The following ZDHHC11 variants were observed in gnomAD, a reference collection of about 807,000 sequenced individuals.
The protein encoded by ZDHHC11 is zDHHC palmitoyltransferase 11.
A neutral mutation model predicts 51.3 loss-of-function variants in ZDHHC11; 44 were observed. The observed-to-expected ratio is 0.86, with a 90% CI of 0.67 to 1.10. The LOEUF (loss-of-function observed/expected upper bound fraction) is 1.10. Among genes scored for constraint, ZDHHC11 ranks in the 50% least tolerant of loss-of-function variants. ZDHHC11 has a pLI of 0.00. For synonymous variants in ZDHHC11, 163 were observed against 222.0 expected (o/e 0.73, Z 2.36); for missense variants, 400 against 537.7 (o/e 0.74, Z 2.53).
chr5:840,720 G>A (rs1197124983), intron 4 of ZDHHC11, 70 bp from the exon 5 acceptor site: 1 of 1,602,884 alleles, frequency 6.2e-7, no homozygotes, highest in Non-Finnish European at 8.5e-7. Flanking sequence ...GGACGTCACA[G>A]ACCAGAGCGT....
intron 11 of ZDHHC11, among the ~76,000 whole-genome samples, chr5:806,759 G>A (rs1219388949): frequency 2.7e-5 from 4 of 150,626 alleles, no homozygotes; most frequent in African/African-American, 4.9e-5. Context: ...AACTCGTATG[G>A]CTCACATGTG....
intron 3 of ZDHHC11, among the ~76,000 whole-genome samples, chr5:844,532 C>T (rs112995638): frequency 2.0e-5 from 3 of 149,810 alleles, no homozygotes; most frequent in Admixed American, 6.6e-5. Flanking sequence ...CACGCGGGCT[C>T]GGTCCACTCG....
At chr5:803,297 C>T (rs1738754025) in intron 11 of ZDHHC11, among the ~76,000 whole-genome samples, 3 of 151,430 alleles carry the variant, frequency 2.0e-5, no homozygotes, top group Admixed American at 2.0e-4. Flanking sequence ...CCTCCAGCAG[C>T]ATCCCTTGGA....
upstream of ZDHHC11, among the ~76,000 whole-genome samples, chr5:855,155 GA>G (rs1747992974): frequency 6.7e-6 from 1 of 148,786 alleles, no homozygotes; most frequent in African/African-American, 2.5e-5. Flanking sequence ...CGAGCCGGGG[GA>G]CACAGACCCT....
intron 7 of ZDHHC11, among the ~76,000 whole-genome samples, chr5:831,314 T>C (rs776146575): frequency 8.0e-5 from 12 of 149,306 alleles, no homozygotes; most frequent in Non-Finnish European, 1.6e-4. Flanking sequence ...TTGGGTGTGG[T>C]GGCTCATGTC....
chr5:827,885 G>A (rs144238048), intron 7 of ZDHHC11, among the ~76,000 whole-genome samples: 1,590 of 151,006 alleles, frequency 0.011, 36 homozygotes, highest in Non-Finnish European at 0.015. Flanking sequence ...AGGACCCAGC[G>A]GCCTTCCCCA....
chr5:798,269 A>T (rs1737877412), intron 12 of ZDHHC11, among the ~76,000 whole-genome samples: 1 of 151,268 alleles, frequency 6.6e-6, no homozygotes, highest in African/African-American at 2.4e-5. Context: ...CTCAGGGCAA[A>T]GGCCAGCTGC....
At chr5:852,719 G>C (rs1195532883), upstream of ZDHHC11, among the ~76,000 whole-genome samples, 1 of 146,500 alleles carries the variant, frequency 6.8e-6, no homozygotes, top group African/African-American at 2.5e-5. Flanking sequence ...AGCGGGGACA[G>C]ACCCCACAGA....
intron 7 of ZDHHC11, 30 bp from the exon 8 acceptor site, chr5:825,281 C>T: frequency 3.1e-6 from 5 of 1,605,526 alleles, no homozygotes; most frequent in East Asian, 2.2e-5. Flanking sequence ...GAGAGAAACT[C>T]ATCTCAGCTT....
upstream of ZDHHC11, among the ~76,000 whole-genome samples, chr5:852,843 A>G (rs1243950818): frequency 1.4e-5 from 2 of 144,474 alleles, no homozygotes; most frequent in African/African-American, 5.2e-5. Flanking sequence ...AGCCGGGGGT[A>G]CAGACCACAC....
intron 12 of ZDHHC11, among the ~76,000 whole-genome samples, chr5:800,286 C>A (rs1299908804): frequency 3.3e-4 from 50 of 150,656 alleles, no homozygotes; most frequent in African/African-American, 1.0e-3. Flanking sequence ...ATGCCCTATA[C>A]CCTTTTCCTG....
chr5:825,259 G>C lies in ZDHHC11; in HGVS notation c.936-8C>G. On this transcript the variant is annotated splice_region_variant and splice_polypyrimidine_tract_variant and intron_variant, in intron 7 of 12. Transcript: ENST00000283441. ...GAGCTCTTGGCTTTGACTCTGGTGG[G>C]ACAGAAAGGAGGAGAGAAACTCATC... 1.2e-6 allele frequency: 2 copies of C among 1,611,656 alleles called. No homozygotes were observed. The highest frequency in any genetic ancestry group is 1.7e-6 in the Non-Finnish European group (2 of 1,178,206).
chr5:838,600 C>T (rs10076550), intron 5 of ZDHHC11, among the ~76,000 whole-genome samples: 2,834 of 151,990 alleles, frequency 0.019, 72 homozygotes, highest in African/African-American at 0.065. Flanking sequence ...GGCTCTGGGT[C>T]ACGGGGGTGG....
intron 12 of ZDHHC11, among the ~76,000 whole-genome samples, chr5:798,213 T>C (rs372154480): frequency 2.7e-5 from 4 of 150,902 alleles, no homozygotes; most frequent in African/African-American, 7.3e-5. Context: ...TCCATTTGTA[T>C]CTCTTGAAAA....
chr5:832,748 CAG>C (rs1434840839), intron 7 of ZDHHC11, among the ~76,000 whole-genome samples: 1 of 126,192 alleles, frequency 7.9e-6, no homozygotes, highest in Non-Finnish European at 1.7e-5. Context: ...GCCTGGGTGA[CAG>C]AGTGAAATTC....
chr5:855,391 C>G (rs141538737), upstream of ZDHHC11, among the ~76,000 whole-genome samples: 1,963 of 149,632 alleles, frequency 0.013, 40 homozygotes, highest in African/African-American at 0.046. Flanking sequence ...GAGACAGACC[C>G]CACAGAGGAC....
rs536083998 is a variant in ZDHHC11, at chr5:815,750, A to G, written c.1147-955T>C. ...TGGATGAGACTTCCAATTCTCCCAC[A>G]TATTCACCAACACTTGGTATTGTTC... On this transcript the variant is annotated intron_variant, in intron 10 of 12. Coordinates refer to ENST00000283441, the MANE Select transcript of ZDHHC11 (RefSeq NM_024786.3). Among the ~76,000 whole-genome samples the G allele has an allele frequency of 9.3e-4, 141 of 151,552 alleles. 8 individuals carry two copies. The highest frequency in any genetic ancestry group is 1.2e-3 in the Admixed American group (19 of 15,242).
Position 850,516 on chromosome 5 carries a change from G to C in ZDHHC11, c.87C>G (p.Ser29=). 6.2e-7 allele frequency: 1 copy of C among 1,613,786 alleles called. No individual in the cohort carries two copies. Among genetic ancestry groups the C allele is most frequent in the Non-Finnish European group, 8.5e-7 (1 of 1,180,032 alleles). Residue 29 remains serine (S), a synonymous_variant, in exon 1 of 13, where the codon TCC becomes TCG. Transcript: ENST00000283441. ...GGGGTAACGACCAGCCGTTCACTCT[G>C]GAGATGCGGGGCGGCAAGACCAGCT... ...NEKLVLPPRI[S]RVNGWSLPLH... is the part of the protein sequence containing the mutation.
intron 8 of ZDHHC11, among the ~76,000 whole-genome samples, chr5:822,467 C>T (rs1741694898): frequency 1.3e-5 from 2 of 151,568 alleles, no homozygotes; most frequent in South Asian, 4.2e-4. Flanking sequence ...AAAACACCTG[C>T]TATGTGTGCA....
Sources: allele counts gnomAD v4.1 joint callset (sites outside exome capture counted in the v4.1 genomes callset), GRCh38; gene constraint gnomAD v4.1.1; transcripts MANE v1.5; gene names NCBI Gene and HGNC (gene_info 2026-07-23, HGNC 2026-07-21).